SMYD3: variants seen among roughly 807,000 people sequenced by gnomAD.
SMYD3 encodes histone-lysine N-methyltransferase SMYD3.
SMYD3 carries 36 observed loss-of-function variants against 57.7 expected under a neutral mutation model. The observed-to-expected ratio is 0.62, with a 90% CI of 0.48 to 0.82. The LOEUF (loss-of-function observed/expected upper bound fraction) is 0.82, where lower values mean the gene tolerates loss of function less well. Among genes scored for constraint, SMYD3 ranks in the 40% least tolerant of loss-of-function variants. SMYD3 has a pLI of 0.00. For missense variants in SMYD3, 515 were observed against 538.8 expected (o/e 0.96, Z 0.44); for synonymous variants, 211 against 195.0 (o/e 1.08, Z -0.68).
rs576662070 is a variant in SMYD3 at position 245,960,918 on chromosome 1, A to G, written c.532-30981T>C. Among the ~76,000 whole-genome samples, 268 of 152,328 alleles carry G rather than the reference A, an allele frequency of 1.8e-3. 3 individuals are homozygous for G. Among genetic ancestry groups the G allele is most frequent in the African/African-American group, 6.1e-3 (255 of 41,582 alleles). On this transcript the variant is annotated intron_variant, in intron 5 of 11. Coordinates refer to ENST00000490107, the MANE Select transcript of SMYD3 (RefSeq NM_001167740.2). ...GAAGTTCATAACTCCCTCGGGACCT[A>G]TTCCACAGGAAGGCCGAAGGCCAAA...
At chr1:245,774,323 T>C (rs1051764530) in intron 10 of SMYD3, among the ~76,000 whole-genome samples, 8 of 152,108 alleles carry the variant, frequency 5.3e-5, no homozygotes, top group African/African-American at 9.7e-5. Flanking sequence ...TAAGACATGA[T>C]TGCCGGTAAC....
In SMYD3 at chr1:246,048,442, C is replaced by T. The variant is rs183901951; in HGVS notation, c.532-118505G>A. On this transcript the variant is annotated intron_variant, in intron 5 of 11. Coordinates refer to ENST00000490107, the MANE Select transcript of SMYD3 (RefSeq NM_001167740.2). ...GCTGTATGCACTAGAATGTCTATCG[C>T]ATATTTTAGTGACAAAAAAGTAAAA... Among the ~76,000 whole-genome samples, 162 of 152,222 alleles carry T rather than the reference C, an allele frequency of 1.1e-3. 1 individual carries two copies. Among genetic ancestry groups the T allele is most frequent in the African/African-American group, 3.8e-3 (157 of 41,538 alleles).
At chr1:245,805,724 C>G (rs910568851) in intron 10 of SMYD3, among the ~76,000 whole-genome samples, 1 of 151,904 alleles carries the variant, frequency 6.6e-6, no homozygotes, top group East Asian at 1.9e-4. Flanking sequence ...TGGCTCCAGG[C>G]AATCAAAAGA....
Position 246,313,815 on chromosome 1 carries a change from T to C in SMYD3, c.531+13386A>G, listed in dbSNP as rs552039972. On this transcript the variant is annotated intron_variant, in intron 5 of 11. Transcript: ENST00000490107. ...TCTTATACACTGCATATATAGTTTA[T>C]AGCATAGAAAATGTTTAAATCTATA... 3.9e-5 allele frequency among the ~76,000 whole-genome samples: 6 copies of C among 152,316 alleles called. No homozygotes were observed. In the East Asian group the frequency reaches 1.2e-3, roughly 29 times the overall value.
chr1:246,354,994 T>G (rs1394555519), intron 2 of SMYD3, 37 bp downstream of exon 2: 1 of 1,595,880 alleles, frequency 6.3e-7, no homozygotes, highest in South Asian at 1.1e-5. Flanking sequence ...AGTAAAGAAT[T>G]TGAAAGCTTC....
chr1:245,829,731 G>C (rs1164226541), intron 10 of SMYD3, among the ~76,000 whole-genome samples: 1 of 152,056 alleles, frequency 6.6e-6, no homozygotes, highest in Non-Finnish European at 1.5e-5. Context: ...AAAGTAGAAA[G>C]AGCCCAAATG....
chr1:246,406,738 T>A (rs973353490), intron 1 of SMYD3, among the ~76,000 whole-genome samples: 3 of 152,198 alleles, frequency 2.0e-5, no homozygotes, highest in Admixed American at 6.5e-5. Context: ...CAGGATCACA[T>A]AGCTAGTAAG....
chr1:245,792,414 G>A (rs995649239), intron 10 of SMYD3, among the ~76,000 whole-genome samples: 1 of 152,086 alleles, frequency 6.6e-6, no homozygotes, highest in African/African-American at 2.4e-5. Flanking sequence ...GGATTCTCTT[G>A]GTAATCAGAT....
chr1:246,453,266 T>C (rs1383911971), intron 1 of SMYD3, among the ~76,000 whole-genome samples: 1 of 152,224 alleles, frequency 6.6e-6, no homozygotes, highest in African/African-American at 2.4e-5. Flanking sequence ...TTCTCACCAC[T>C]ATGCTATATG....
intron 1 of SMYD3, among the ~76,000 whole-genome samples, chr1:246,356,696 T>A (rs1381833684): frequency 6.6e-6 from 1 of 152,170 alleles, no homozygotes; most frequent in Non-Finnish European, 1.5e-5. Context: ...AAAGTACTTC[T>A]GAGCTTGAAG....
chr1:245,843,965 C>T (rs1385565898), intron 10 of SMYD3, among the ~76,000 whole-genome samples: 1 of 152,148 alleles, frequency 6.6e-6, no homozygotes. Context: ...GTTATGTAAA[C>T]ACTTCCAACG....
At chr1:246,401,087 C>G (rs2066760392) in intron 1 of SMYD3, among the ~76,000 whole-genome samples, 2 of 152,182 alleles carry the variant, frequency 1.3e-5, no homozygotes, top group South Asian at 4.1e-4. Context: ...CTCATATTTC[C>G]TTAGATTAAT....
Position 245,858,546 on chromosome 1 carries a change from G to A in SMYD3, c.1026C>T (p.Gly342=). The change falls in exon 10 of 12, where the codon GGC becomes GGT. Residue 342 remains glycine (G), a synonymous_variant. Transcript: ENST00000490107. ...DCAMDACINL[G]LLEEALFYGT... Reference sequence around the variant, plus strand: ...CATAGAACAAGGCTTCCTCCAACAGGCCGAGGTTGATGCAGGCATCCATGG... The same window carrying A: ...CATAGAACAAGGCTTCCTCCAACAGACCGAGGTTGATGCAGGCATCCATGG... 2.5e-6 allele frequency: 4 copies of A among 1,614,192 alleles called. No homozygotes were observed. Among genetic ancestry groups the A allele is most frequent in the Non-Finnish European group, 3.4e-6 (4 of 1,180,042 alleles).
intron 1 of SMYD3, among the ~76,000 whole-genome samples, chr1:246,368,958 CAGATAGAA>C (rs2066149865): frequency 6.6e-6 from 1 of 152,122 alleles, no homozygotes; most frequent in Non-Finnish European, 1.5e-5. Flanking sequence ...CTCATATATA[CAGATAGAA>C]AGATAGATAG....
intron 5 of SMYD3, among the ~76,000 whole-genome samples, chr1:246,231,526 T>A (rs1024055125): frequency 6.6e-5 from 10 of 152,212 alleles, no homozygotes; most frequent in African/African-American, 2.4e-4. Context: ...TGTTTTCTGG[T>A]CATTGCTATA....
At chr1:246,457,540 AAAAAAAAAGAAAAGAAAAG>A (rs1462932893) in intron 1 of SMYD3, among the ~76,000 whole-genome samples, 3 of 146,374 alleles carry the variant, frequency 2.0e-5, no homozygotes, top group Non-Finnish European at 4.5e-5. Flanking sequence ...CTCAAAAAAA[AAAAAAAAAGAAAAGAAAAG>A]AAAAGAAAAG....
intron 1 of SMYD3, among the ~76,000 whole-genome samples, chr1:246,362,598 T>C (rs973269226): frequency 1.4e-4 from 22 of 152,202 alleles, no homozygotes; most frequent in African/African-American, 3.6e-4. Context: ...GTGCCTGCGA[T>C]TGCAGGCGCG....
intron 5 of SMYD3, among the ~76,000 whole-genome samples, chr1:246,171,901 C>T (rs926409813): frequency 1.3e-5 from 2 of 152,270 alleles, no homozygotes; most frequent in Non-Finnish European, 1.5e-5. Flanking sequence ...ATCATAGCTA[C>T]TCAGCAGGCT....
chr1:245,796,946 G>T (rs543440812), intron 10 of SMYD3, among the ~76,000 whole-genome samples: 1 of 152,294 alleles, frequency 6.6e-6, no homozygotes, highest in East Asian at 1.9e-4. Flanking sequence ...ATGACTTAAG[G>T]TGCAAAACAC....
Sources: allele counts gnomAD v4.1 joint callset (sites outside exome capture counted in the v4.1 genomes callset), GRCh38; gene constraint gnomAD v4.1.1; transcripts MANE v1.5; gene names NCBI Gene and HGNC (gene_info 2026-07-23, HGNC 2026-07-21).